GNG2: variants seen among roughly 807,000 people sequenced by gnomAD.
The protein encoded by GNG2 is guanine nucleotide-binding protein G(I)/G(S)/G(O) subunit gamma-2.
GNG2 carries 5 observed loss-of-function variants against 5.5 expected under a neutral mutation model. The observed-to-expected ratio is 0.91, with a 90% confidence interval of 0.48 to 1.92. The LOEUF (loss-of-function observed/expected upper bound fraction) is 1.92, where lower values mean the gene tolerates loss of function less well. Among genes scored for constraint, GNG2 ranks in the 30% most tolerant of loss-of-function variants. GNG2 has a pLI of 0.01. For missense variants in GNG2, 55 were observed against 88.4 expected (o/e 0.62, Z 1.52); for synonymous variants, 28 against 32.0 (o/e 0.88, Z 0.42).
rs1889955798 is a variant in GNG2 at position 51,966,962 on chromosome 14, G to GGCCCC, written c.*275_*276insGCCCC. On this transcript the variant is annotated 3_prime_UTR_variant, in exon 4 of 4. Transcript: ENST00000556766. ...GTCACTTCTTTTCTGCTATCCCCCA[G>GGCCCC]CCCCCCCCCCAAAATCCTCATGTTT... The GGCCCC allele has an allele frequency of 9.4e-6, 1 of 106,126 alleles. No homozygotes were observed. The allele number at this position is 106,126 out of a possible 1,614,324, so 6.6% of individuals were successfully genotyped here.
chr14:51,827,558 T>C lies in GNG2; in HGVS notation c.-76-110T>C, dbSNP rs138683327. The C allele has an allele frequency of 3.9e-3, 2,348 of 595,222 alleles. 6 individuals are homozygous for C. The highest frequency in any genetic ancestry group is 9.3e-3 in the Middle Eastern group (21 of 2,252). 36.9% of individuals were successfully genotyped at this position (595,222 alleles called of 1,614,324 possible). A position where few individuals can be genotyped will look rare whatever the true frequency, so the allele number is the denominator to read the frequency against. On this transcript the variant is annotated intron_variant, in intron 1 of 3. Coordinates refer to the GNG2 transcript ENST00000553432. Reference sequence around the variant, plus strand: ...AAGCTAGGAGTGGTATTTTTTGATGTCATACAGTTCCAGACTATAACTAGC... The same window carrying C: ...AAGCTAGGAGTGGTATTTTTTGATGCCATACAGTTCCAGACTATAACTAGC...
At chr14:51,855,161 C>T (rs1882098354) in intron 2 of GNG2, among the ~76,000 whole-genome samples, 1 of 152,192 alleles carries the variant, frequency 6.6e-6, no homozygotes, top group Admixed American at 6.5e-5. Flanking sequence ...AGAGAAGGAT[C>T]TGGGGGGCTT....
At chr14:51,911,051 A>C (rs1886261477) in intron 2 of GNG2, among the ~76,000 whole-genome samples, 2 of 152,182 alleles carry the variant, frequency 1.3e-5, no homozygotes, top group South Asian at 4.1e-4. Flanking sequence ...TACAGTTGGG[A>C]ACTGTGCTCC....
intron 3 of GNG2, among the ~76,000 whole-genome samples, chr14:51,951,180 T>A (rs992418834): frequency 6.6e-6 from 1 of 152,256 alleles, no homozygotes; most frequent in Non-Finnish European, 1.5e-5. Context: ...CTTCTAGTTA[T>A]CCTTGCACGT....
chr14:51,905,097 T>C (rs1001138199), intron 2 of GNG2, among the ~76,000 whole-genome samples: 1 of 152,234 alleles, frequency 6.6e-6, no homozygotes, highest in African/African-American at 2.4e-5. Flanking sequence ...GAGGAGTTTA[T>C]ATTCTCTGCA....
At chr14:51,895,075 T>G (rs1274376213) in intron 2 of GNG2, among the ~76,000 whole-genome samples, 1 of 150,554 alleles carries the variant, frequency 6.6e-6, no homozygotes, top group African/African-American at 2.4e-5. Context: ...TAAAATTGCC[T>G]GACATAACTA....
chr14:51,849,299 G>A (rs1422919247), intron 2 of GNG2, among the ~76,000 whole-genome samples: 1 of 152,122 alleles, frequency 6.6e-6, no homozygotes, highest in African/African-American at 2.4e-5. Flanking sequence ...AATGCTCAAG[G>A]AGGCCAAGGT....
intron 2 of GNG2, among the ~76,000 whole-genome samples, chr14:51,936,838 T>C (rs11621160): frequency 0.048 from 7,323 of 152,222 alleles, 241 homozygotes; most frequent in East Asian, 0.14. Context: ...TCACCACACC[T>C]AGCTGTGAAT....
At chr14:51,912,907 A>C (rs1217390018) in intron 2 of GNG2, 1 of 152,266 alleles carries the variant, frequency 6.6e-6, no homozygotes, top group East Asian at 1.9e-4. Context: ...AAGATAGCCC[A>C]AGAAAAATGA....
At chr14:51,922,096 C>T (rs1333638670) in intron 2 of GNG2, among the ~76,000 whole-genome samples, 1 of 152,282 alleles carries the variant, frequency 6.6e-6, no homozygotes, top group South Asian at 2.1e-4. Context: ...ATTTCTTCCA[C>T]TTTCTGTGTG....
intron 2 of GNG2, among the ~76,000 whole-genome samples, chr14:51,828,809 C>T (rs986509080): frequency 6.6e-6 from 1 of 152,146 alleles, no homozygotes; most frequent in Non-Finnish European, 1.5e-5. Flanking sequence ...CCCCTATAGC[C>T]CTGCCCTCAC....
chr14:51,841,079 T>C (rs943796002), intron 2 of GNG2, among the ~76,000 whole-genome samples: 7 of 152,154 alleles, frequency 4.6e-5, no homozygotes, highest in Non-Finnish European at 8.8e-5. Context: ...CTATGATTGG[T>C]CAGTTTAGCA....
upstream of GNG2, among the ~76,000 whole-genome samples, chr14:51,856,055 G>A (rs1882142808): frequency 6.6e-6 from 1 of 152,178 alleles, no homozygotes; most frequent in Non-Finnish European, 1.5e-5. Flanking sequence ...GCACACGCCT[G>A]TAATCCCAGC....
intron 2 of GNG2, among the ~76,000 whole-genome samples, chr14:51,918,760 A>G (rs950560633): frequency 2.0e-5 from 3 of 152,248 alleles, no homozygotes; most frequent in African/African-American, 7.2e-5. Context: ...TGAAATAAAC[A>G]AGGTGTTACT....
chr14:51,888,966 A>G (rs982578686), intron 2 of GNG2, among the ~76,000 whole-genome samples: 4 of 152,196 alleles, frequency 2.6e-5, no homozygotes, highest in African/African-American at 9.7e-5. Flanking sequence ...ACTAGACACA[A>G]CAGGCTACAT....
rs564694320 is a variant in GNG2 at position 51,944,562 on chromosome 14, A to G, written c.-29-6088A>G. 3.9e-5 allele frequency among the ~76,000 whole-genome samples: 6 copies of G among 152,352 alleles called. No homozygotes were observed. In the East Asian group the frequency reaches 1.2e-3, roughly 29 times the overall value. ...GGCCATAATTCAGTGGATAAAGGCC[A>G]ACCTTTTCAACAAATCATGATGGAA... On this transcript the variant is annotated intron_variant, in intron 2 of 3. Transcript: ENST00000556766.
intron 2 of GNG2, among the ~76,000 whole-genome samples, chr14:51,941,958 A>C (rs545976140): frequency 6.6e-6 from 1 of 152,174 alleles, no homozygotes; most frequent in Non-Finnish European, 1.5e-5. Context: ...AATTCTATCA[A>C]TCTCTTATAC....
chr14:51,879,316 G>A (rs1187645139), intron 2 of GNG2, among the ~76,000 whole-genome samples: 1 of 152,160 alleles, frequency 6.6e-6, no homozygotes, highest in Non-Finnish European at 1.5e-5. Context: ...AGTATATTTG[G>A]TCTAGGGCTA....
At chr14:51,920,055 T>C (rs1886922579) in intron 2 of GNG2, among the ~76,000 whole-genome samples, 1 of 152,184 alleles carries the variant, frequency 6.6e-6, no homozygotes, top group Non-Finnish European at 1.5e-5. Context: ...AGTCCCTGTA[T>C]AAAATGATAT....
Sources: gnomAD v4.1 joint callset for allele counts (sites outside exome capture counted in the v4.1 genomes callset) on GRCh38, gnomAD v4.1.1 for gene constraint, MANE v1.5 for transcripts, NCBI Gene and HGNC (gene_info 2026-07-23, HGNC 2026-07-21) for gene names.